Variants in SHISA9 observed in about 807,000 individuals in gnomAD.
SHISA9 encodes shisa family member 9, also known as protein shisa-9.
SHISA9 carries 13 observed loss-of-function variants against 38.0 expected under a neutral mutation model. The observed-to-expected ratio is 0.34, with a 90% CI of 0.22 to 0.54. The LOEUF is 0.54. Among genes scored for constraint, SHISA9 ranks in the 20% least tolerant of loss-of-function variants. The pLI, the probability that SHISA9 is intolerant of heterozygous loss-of-function variation, is 0.91. For missense variants in SHISA9, 538 were observed against 575.8 expected (o/e 0.93, Z 0.67); for synonymous variants, 275 against 242.0 (o/e 1.14, Z -1.27).
intron 2 of SHISA9, among the ~76,000 whole-genome samples, chr16:13,186,551 C>G (rs764494777): frequency 9.2e-5 from 14 of 152,088 alleles, no homozygotes; most frequent in Non-Finnish European, 2.1e-4. Flanking sequence ...CCGCCTCTGC[C>G]TCCCAAAGTG....
At chr16:13,385,783 T>C in the SHISA9 span, among the ~76,000 whole-genome samples, 2 of 141,196 alleles carry the variant, frequency 1.4e-5, no homozygotes, top group African/African-American at 5.8e-5. Context: ...AGGAACAAAC[T>C]GTGGTATATC....
At chr16:13,078,193 A>G (rs555568258) in intron 2 of SHISA9, among the ~76,000 whole-genome samples, 20 of 152,346 alleles carry the variant, frequency 1.3e-4, no homozygotes, top group African/African-American at 4.8e-4. Context: ...GATTGGTTCC[A>G]GGACCCCCCA....
At chr16:13,090,208 T>G (rs1332938952) in intron 2 of SHISA9, among the ~76,000 whole-genome samples, 1 of 152,262 alleles carries the variant, frequency 6.6e-6, no homozygotes, top group East Asian at 1.9e-4. Context: ...TGCTAAGGAG[T>G]GCTTTACTTC....
At chr16:13,489,849 C>T in the SHISA9 span, among the ~76,000 whole-genome samples, 2 of 152,166 alleles carry the variant, frequency 1.3e-5, no homozygotes, top group Non-Finnish European at 2.9e-5. Context: ...GGTTAAGTAA[C>T]ATTCCCAAGG....
At chr16:13,356,871 G>A in the SHISA9 span, among the ~76,000 whole-genome samples, 2 of 152,296 alleles carry the variant, frequency 1.3e-5, no homozygotes, top group East Asian at 1.9e-4. Flanking sequence ...AAAATTCAAA[G>A]TGCCATTTTC....
chr16:13,076,396 C>A (rs1210888389), intron 2 of SHISA9, among the ~76,000 whole-genome samples: 3 of 152,266 alleles, frequency 2.0e-5, no homozygotes, highest in Middle Eastern at 3.4e-3. Context: ...ATCTGAGCAG[C>A]TTTGAGGCAC....
At chr16:13,086,095 C>G (rs976358612) in intron 2 of SHISA9, among the ~76,000 whole-genome samples, 1 of 152,064 alleles carries the variant, frequency 6.6e-6, no homozygotes, top group Non-Finnish European at 1.5e-5. Flanking sequence ...CAGTGGCTCA[C>G]GCCTGTAATC....
chr16:12,971,246 A>C (rs1274322437), intron 2 of SHISA9, among the ~76,000 whole-genome samples: 1 of 152,218 alleles, frequency 6.6e-6, no homozygotes, highest in Non-Finnish European at 1.5e-5. Flanking sequence ...TGTGTAGCTA[A>C]GGCTGTTGAG....
At chr16:13,514,223 C>G in the SHISA9 span, among the ~76,000 whole-genome samples, 64,220 of 151,404 alleles carry the variant, frequency 0.42, 13,636 homozygotes, top group East Asian at 0.53. Flanking sequence ...TTGAACTCCT[C>G]ACCTCGTGAC....
intron 1 of SHISA9, among the ~76,000 whole-genome samples, chr16:12,916,011 G>GTTTTTTTTT (rs34050190): frequency 2.2e-5 from 2 of 90,442 alleles, no homozygotes; most frequent in African/African-American, 4.3e-5. Context: ...GTGTGTGTGT[G>GTTTTTTTTT]TTTTTTTTTT....
chr16:13,529,990 G>A, the SHISA9 span, among the ~76,000 whole-genome samples: 8 of 152,352 alleles, frequency 5.3e-5, no homozygotes, highest in East Asian at 1.2e-3. Flanking sequence ...CTAGTGCTTG[G>A]CCGCCTGGGT....
the SHISA9 span, among the ~76,000 whole-genome samples, chr16:13,344,050 A>G: frequency 1.1e-4 from 16 of 152,188 alleles, no homozygotes; most frequent in African/African-American, 3.9e-4. Context: ...CCTCAGGACT[A>G]CTCTCAGCTT....
intron 3 of SHISA9, among the ~76,000 whole-genome samples, chr16:13,204,179 A>G (rs1288923352): frequency 4.2e-5 from 6 of 143,702 alleles, no homozygotes; most frequent in Non-Finnish European, 7.6e-5. Flanking sequence ...TTTATCTATC[A>G]TCTTTCTATC....
intron 2 of SHISA9, among the ~76,000 whole-genome samples, chr16:12,950,042 A>G (rs149607803): frequency 4.6e-5 from 7 of 152,300 alleles, no homozygotes; most frequent in African/African-American, 1.7e-4. Flanking sequence ...GTCACAGCCT[A>G]TGGTAAACAC....
the SHISA9 span, among the ~76,000 whole-genome samples, chr16:13,307,333 C>T: frequency 1.3e-5 from 2 of 152,120 alleles, no homozygotes; most frequent in African/African-American, 4.8e-5. Context: ...TCATGTACTT[C>T]CCCTGTATTT....
chr16:13,136,470 C>G (rs958477491), intron 2 of SHISA9, among the ~76,000 whole-genome samples: 1 of 136,774 alleles, frequency 7.3e-6, no homozygotes, highest in Non-Finnish European at 1.5e-5. Context: ...GTAATCTCGA[C>G]TCACTGCAAC....
At chr16:13,025,419 C>G (rs76756242) in intron 2 of SHISA9, among the ~76,000 whole-genome samples, 2,806 of 152,330 alleles carry the variant, frequency 0.018, 82 homozygotes, top group African/African-American at 0.064. Context: ...TGAAACACCA[C>G]TTCCCTAGAT....
intron 2 of SHISA9, among the ~76,000 whole-genome samples, chr16:13,155,262 T>A (rs1003073249): frequency 6.6e-6 from 1 of 152,168 alleles, no homozygotes; most frequent in Non-Finnish European, 1.5e-5. Flanking sequence ...TGTATTGGAA[T>A]GATGTGGAGT....
At chr16:13,281,978 T>G in the SHISA9 span, among the ~76,000 whole-genome samples, 10 of 151,896 alleles carry the variant, frequency 6.6e-5, no homozygotes, top group Admixed American at 2.0e-4. Context: ...GTTATTATTT[T>G]TATTCAGTCA....
Sources: allele counts gnomAD v4.1 joint callset (sites outside exome capture counted in the v4.1 genomes callset), GRCh38; gene constraint gnomAD v4.1.1; transcripts MANE v1.5; gene names NCBI Gene and HGNC (gene_info 2026-07-23, HGNC 2026-07-21).